Variants in EXTL3 observed in about 807,000 individuals in gnomAD.
EXTL3 encodes the protein exostosin like glycosyltransferase 3, also known as exostosin-like 3.
A neutral mutation model predicts 69.3 loss-of-function variants in EXTL3; 27 were observed. The ratio of observed to expected loss-of-function variants is 0.39; its 90% CI spans 0.29 to 0.54. The LOEUF is 0.54. Ranked by LOEUF, EXTL3 falls within the 20% of genes least tolerant of loss-of-function variation. The pLI is 0.69. For missense variants in EXTL3, 1,003 were observed against 1,231.8 expected (o/e 0.81, Z 2.78); for synonymous variants, 511 against 499.4 (o/e 1.02, Z -0.31).
At chr8:28,694,689 C>T (rs893915756) in intron 1 of EXTL3, among the ~76,000 whole-genome samples, 8 of 152,156 alleles carry the variant, frequency 5.3e-5, no homozygotes, top group Admixed American at 3.3e-4. Context: ...TGGGATGACA[C>T]ATGCAAAGTG....
chr8:28,655,062 C>T (rs548649468), intron 1 of EXTL3, among the ~76,000 whole-genome samples: 1 of 152,312 alleles, frequency 6.6e-6, no homozygotes, highest in East Asian at 1.9e-4. Context: ...GTAAGGTTAG[C>T]ATGAGGCCTC....
chr8:28,731,841 T>A (rs1301020118), intron 4 of EXTL3, among the ~76,000 whole-genome samples: 6 of 151,848 alleles, frequency 4.0e-5, no homozygotes, highest in African/African-American at 1.5e-4. Flanking sequence ...AAGCAATGAT[T>A]TAAAAGGAAA....
intron 3 of EXTL3, among the ~76,000 whole-genome samples, chr8:28,726,121 A>C (rs1419132614): frequency 6.6e-6 from 1 of 151,650 alleles, no homozygotes; most frequent in African/African-American, 2.4e-5. Context: ...ACGCCCGGCT[A>C]ATTTTTGTAT....
At chr8:28,743,298 G>A in intron 6 of EXTL3, 84 bp downstream of exon 6, 2 of 1,413,138 alleles carry the variant, frequency 1.4e-6, no homozygotes, top group Non-Finnish European at 2.0e-6. Context: ...TAACTGCACT[G>A]TACCTCAGAG....
rs532726900 is a variant in EXTL3, at chr8:28,682,686, C to T, written c.-52-30771C>T. Among the ~76,000 whole-genome samples the T allele has an allele frequency of 6.7e-4, 102 of 152,270 alleles. 1 individual carries two copies. The highest frequency in any genetic ancestry group is 1.2e-3 in the Non-Finnish European group (83 of 68,014). On this transcript the variant is annotated intron_variant, in intron 1 of 6. Transcript: ENST00000523149. ...CCTAAACTCCTGACCTCAAGTGATG[C>T]CCCCACCTTGGCCTCCCAAAGTGCT... is the stretch of plus-strand genomic sequence containing the variant.
rs529400477 is a variant in EXTL3 at position 28,626,349 on chromosome 8, G to A, written c.-53+3539G>A. On this transcript the variant is annotated intron_variant, in intron 1 of 6. Transcript: ENST00000523149. ...CTTTGGTGGGAGAATAACAGGATCAGATCTGCTTTAAGCAGCTTACTCTGA... is the reference window on the plus strand; with the variant it reads ...CTTTGGTGGGAGAATAACAGGATCAAATCTGCTTTAAGCAGCTTACTCTGA... Among the ~76,000 whole-genome samples the A allele has an allele frequency of 5.6e-4, 86 of 152,278 alleles. 1 individual carries two copies. Among genetic ancestry groups the A allele is most frequent in the Non-Finnish European group, 1.0e-3 (71 of 68,040 alleles).
At chr8:28,681,392 T>G (rs1443894111) in intron 1 of EXTL3, among the ~76,000 whole-genome samples, 1 of 151,354 alleles carries the variant, frequency 6.6e-6, no homozygotes. Flanking sequence ...GTGGCACGTG[T>G]CTGTAATTCC....
At chr8:28,703,148 G>A (rs1392419801) in intron 1 of EXTL3, among the ~76,000 whole-genome samples, 2 of 152,238 alleles carry the variant, frequency 1.3e-5, no homozygotes, top group African/African-American at 4.8e-5. Flanking sequence ...TCACGAGCAA[G>A]AGAGAATCGA....
intron 1 of EXTL3, among the ~76,000 whole-genome samples, chr8:28,661,358 C>T (rs1250614306): frequency 6.6e-6 from 1 of 151,050 alleles, no homozygotes; most frequent in African/African-American, 2.4e-5. Context: ...TATATATATA[C>T]ACACACACAT....
intron 3 of EXTL3, among the ~76,000 whole-genome samples, chr8:28,728,567 C>G (rs941128933): frequency 3.3e-5 from 5 of 152,164 alleles, no homozygotes; most frequent in African/African-American, 1.2e-4. Flanking sequence ...AGGACCTCCT[C>G]TGGGGCTGAG....
chr8:28,692,832 T>C (rs1271625120), intron 1 of EXTL3, among the ~76,000 whole-genome samples: 1 of 152,208 alleles, frequency 6.6e-6, no homozygotes, highest in African/African-American at 2.4e-5. Flanking sequence ...CATTGAGCTG[T>C]ATATAAATGT....
chr8:28,647,107 CTTT>C (rs773651622), intron 1 of EXTL3, among the ~76,000 whole-genome samples: 2 of 143,554 alleles, frequency 1.4e-5, no homozygotes. Flanking sequence ...TAATTTAGTT[CTTT>C]TTTTTTTTTT....
At chr8:28,616,583 T>C (rs1249070960) in intron 2 of EXTL3, among the ~76,000 whole-genome samples, 5 of 151,180 alleles carry the variant, frequency 3.3e-5, no homozygotes, top group Non-Finnish European at 7.4e-5. Context: ...GCCGAGATCA[T>C]GCCACTGCAC....
At chr8:28,724,225 G>C (rs1421428953) in intron 3 of EXTL3, among the ~76,000 whole-genome samples, 3 of 152,100 alleles carry the variant, frequency 2.0e-5, no homozygotes, top group Admixed American at 1.3e-4. Flanking sequence ...TCTCTCATTT[G>C]TTGACCTGCT....
chr8:28,692,612 A>C (rs931230722), intron 1 of EXTL3, among the ~76,000 whole-genome samples: 36 of 152,328 alleles, frequency 2.4e-4, no homozygotes, highest in Non-Finnish European at 5.0e-4. Flanking sequence ...TAGCATAATT[A>C]GTTTTGGAAA....
chr8:28,653,229 G>A (rs1369243097), intron 1 of EXTL3, among the ~76,000 whole-genome samples: 4 of 152,054 alleles, frequency 2.6e-5, no homozygotes, highest in Admixed American at 1.3e-4. Context: ...TTGTTTTTGT[G>A]TTGTTCAGTT....
chr8:28,612,741 C>A (rs1410184327), intron 2 of EXTL3, among the ~76,000 whole-genome samples: 1 of 151,492 alleles, frequency 6.6e-6, no homozygotes, highest in East Asian at 1.9e-4. Flanking sequence ...TTTTTTTAGA[C>A]AGTGTCTTGC....
intron 5 of EXTL3, chr8:28,742,633 C>T (rs954807320): frequency 2.0e-5 from 5 of 252,092 alleles, no homozygotes; most frequent in Non-Finnish European, 3.1e-5. Flanking sequence ...TGACCAGACT[C>T]AAGAATCTGT....
At chr8:28,640,592 T>C (rs1439190161) in intron 1 of EXTL3, among the ~76,000 whole-genome samples, 2 of 152,118 alleles carry the variant, frequency 1.3e-5, no homozygotes, top group South Asian at 2.1e-4. Context: ...ATTAGCACTT[T>C]TATGTATTTT....
Sources: allele counts gnomAD v4.1 joint callset (sites outside exome capture counted in the v4.1 genomes callset), GRCh38; gene constraint gnomAD v4.1.1; transcripts MANE v1.5; gene names NCBI Gene and HGNC (gene_info 2026-07-23, HGNC 2026-07-21).